Variants in TMEM132D observed in about 807,000 individuals in gnomAD.
TMEM132D encodes mature OL transmembrane protein.
In TMEM132D, 21 loss-of-function variants were observed where a neutral mutation model predicts 62.3. The ratio of observed to expected loss-of-function variants is 0.34; its 90% CI spans 0.24 to 0.49. TMEM132D has a LOEUF of 0.49. TMEM132D is among the 20% of genes least tolerant of loss of function. TMEM132D has a pLI of 0.99. For synonymous variants in TMEM132D, 621 were observed against 575.6 expected, an observed-to-expected ratio of 1.08 and a Z score of -1.13; for missense variants, 1,346 against 1,402.8, an observed-to-expected ratio of 0.96 and a Z score of 0.65.
At chr12:129,494,992 C>T (rs925031192) in intron 3 of TMEM132D, among the ~76,000 whole-genome samples, 9 of 152,132 alleles carry the variant, frequency 5.9e-5, no homozygotes, top group African/African-American at 1.9e-4. Context: ...CAGGCACATA[C>T]GCTTGGTGTT....
chr12:129,250,312 G>A (rs190975289), intron 4 of TMEM132D, among the ~76,000 whole-genome samples: 4 of 152,280 alleles, frequency 2.6e-5, no homozygotes, highest in East Asian at 3.9e-4. Flanking sequence ...ATGCAGATAC[G>A]TTCTAGGTCC....
chr12:129,458,681 T>C (rs753305961), intron 3 of TMEM132D, among the ~76,000 whole-genome samples: 12 of 152,172 alleles, frequency 7.9e-5, no homozygotes, highest in Non-Finnish European at 1.6e-4. Flanking sequence ...AAATTGGCAG[T>C]GGGCTAAACA....
At chr12:129,181,225 G>A (rs772381343) in intron 5 of TMEM132D, among the ~76,000 whole-genome samples, 79 of 152,112 alleles carry the variant, frequency 5.2e-4, no homozygotes, top group Non-Finnish European at 6.2e-4. Context: ...TCCTGAGCCA[G>A]GCTTCTGAAA....
intron 5 of TMEM132D, among the ~76,000 whole-genome samples, chr12:129,124,591 G>A (rs1314117352): frequency 2.0e-5 from 3 of 152,114 alleles, no homozygotes; most frequent in Non-Finnish European, 2.9e-5. Flanking sequence ...TTTGTTTCTG[G>A]CTTCATTGCT....
chr12:129,369,889 A>C (rs1870540491), intron 3 of TMEM132D, among the ~76,000 whole-genome samples: 1 of 152,214 alleles, frequency 6.6e-6, no homozygotes, highest in Admixed American at 6.5e-5. Context: ...CACACATATA[A>C]GGATATGGTA....
At chr12:129,755,842 G>A (rs1007646544) in intron 1 of TMEM132D, among the ~76,000 whole-genome samples, 22 of 152,190 alleles carry the variant, frequency 1.4e-4, no homozygotes, top group African/African-American at 3.4e-4. Context: ...CCCATCTATC[G>A]TCTTAGAGTC....
At chr12:129,616,037 A>C (rs1305013333) in intron 2 of TMEM132D, among the ~76,000 whole-genome samples, 2 of 152,166 alleles carry the variant, frequency 1.3e-5, no homozygotes, top group South Asian at 4.1e-4. Context: ...CCATTACAAA[A>C]CAGGAGAAAC....
intron 1 of TMEM132D, among the ~76,000 whole-genome samples, chr12:129,701,995 G>A (rs569909490): frequency 6.6e-6 from 1 of 152,216 alleles, no homozygotes; most frequent in Non-Finnish European, 1.5e-5. Flanking sequence ...ACTGACCCTC[G>A]TTGTTTCCCA....
At chr12:129,703,617 A>C (rs1274252832) in intron 1 of TMEM132D, among the ~76,000 whole-genome samples, 1 of 152,140 alleles carries the variant, frequency 6.6e-6, no homozygotes, top group African/African-American at 2.4e-5. Flanking sequence ...AAAATTAGCA[A>C]AGTGTTAAAT....
chr12:129,456,298 C>T (rs947795049), intron 3 of TMEM132D, among the ~76,000 whole-genome samples: 45 of 152,104 alleles, frequency 3.0e-4, no homozygotes, highest in Admixed American at 2.6e-4. Context: ...ACTCAGCAAA[C>T]GTTACCTGCT....
intron 1 of TMEM132D, among the ~76,000 whole-genome samples, chr12:129,789,945 G>A (rs1871354067): frequency 6.6e-6 from 1 of 152,092 alleles, no homozygotes; most frequent in Non-Finnish European, 1.5e-5. Flanking sequence ...ATTATTTTTT[G>A]CACTATTTAT....
At chr12:129,472,681 A>G (rs567756147) in intron 3 of TMEM132D, among the ~76,000 whole-genome samples, 31 of 152,320 alleles carry the variant, frequency 2.0e-4, no homozygotes, top group African/African-American at 7.0e-4. Flanking sequence ...CATAGTTGAA[A>G]TGACAACAAA....
intron 5 of TMEM132D, among the ~76,000 whole-genome samples, chr12:129,088,121 GTGTCCTCC>G (rs1565959701): frequency 2.7e-4 from 15 of 54,554 alleles, no homozygotes; most frequent in East Asian, 1.4e-3. Flanking sequence ...CCCTGACCGG[GTGTCCTCC>G]ATGACCGGGG....
intron 3 of TMEM132D, among the ~76,000 whole-genome samples, chr12:129,511,609 G>A (rs1323475036): frequency 6.6e-6 from 1 of 152,146 alleles, no homozygotes; most frequent in Non-Finnish European, 1.5e-5. Context: ...GTCTTTTCAT[G>A]TGCCTATTTG....
intron 1 of TMEM132D, among the ~76,000 whole-genome samples, chr12:129,794,253 ATTT>A (rs3046861): frequency 0.026 from 2,879 of 111,526 alleles, 82 homozygotes; most frequent in African/African-American, 0.087. Flanking sequence ...CATGCCCAGC[ATTT>A]TTTTTTTTTT....
At chr12:129,794,143 C>A (rs1462167233) in intron 1 of TMEM132D, among the ~76,000 whole-genome samples, 1 of 149,722 alleles carries the variant, frequency 6.7e-6, no homozygotes, top group Non-Finnish European at 1.5e-5. Flanking sequence ...GGCTGGAGTG[C>A]GGTGGTGCAA....
Position 129,284,972 on chromosome 12 carries a change from C to T in TMEM132D, c.1299+52662G>A, listed in dbSNP as rs188148952. Among the ~76,000 whole-genome samples the T allele has an allele frequency of 1.3e-4, 20 of 152,278 alleles. No homozygotes were observed. The East Asian group carries it at 3.1e-3, about 24-fold the overall frequency. ...TGGCTGTACCGTGGAGTGATGGACACGCTTTGGAGAGAGATGTTTGCACAG... is the reference window on the plus strand; with the variant it reads ...TGGCTGTACCGTGGAGTGATGGACATGCTTTGGAGAGAGATGTTTGCACAG... On this transcript the variant is annotated intron_variant, in intron 4 of 8. Transcript: ENST00000422113.
intron 2 of TMEM132D, among the ~76,000 whole-genome samples, chr12:129,684,659 G>A (rs1880863823): frequency 6.6e-6 from 1 of 152,054 alleles, no homozygotes; most frequent in Non-Finnish European, 1.5e-5. Context: ...ACAGGAAAAT[G>A]TTGGGAAGTT....
intron 2 of TMEM132D, among the ~76,000 whole-genome samples, chr12:129,581,522 C>T (rs1203672657): frequency 6.6e-6 from 1 of 152,150 alleles, no homozygotes; most frequent in Non-Finnish European, 1.5e-5. Flanking sequence ...GCCTGAGAGC[C>T]CCTGGCAAAC....
Sources: gnomAD v4.1 joint callset for allele counts (sites outside exome capture counted in the v4.1 genomes callset) on GRCh38, gnomAD v4.1.1 for gene constraint, MANE v1.5 for transcripts, NCBI Gene and HGNC (gene_info 2026-07-23, HGNC 2026-07-21) for gene names.